Variants in AMH observed in about 807,000 individuals in gnomAD.
AMH encodes anti-Muellerian hormone.
AMH carries 39 observed loss-of-function variants against 33.3 expected under a neutral mutation model. The observed-to-expected ratio is 1.17, with a 90% confidence interval of 0.91 to 1.53. AMH has a LOEUF of 1.53. AMH is among the 40% of genes most tolerant of loss of function. AMH has a pLI of 0.00. For missense variants in AMH, 1,019 were observed against 799.8 expected (o/e 1.27, Z -3.30); for synonymous variants, 536 against 403.0 (o/e 1.33, Z -3.95).
At position 2,250,347 on chromosome 19, in the gene AMH, G is replaced by A. The variant is rs565075895; in HGVS notation, c.423G>A (p.Glu141=). 24 of 1,598,060 alleles carry A rather than the reference G, an allele frequency of 1.5e-5. No homozygotes were observed. The East Asian group carries it at 4.9e-4, about 33-fold the overall frequency. The part of the protein sequence containing the change: ...VVLHLEEVTW[E]PTPSLRFQEP... ...CTGTCCCGGCTGCAGTGACCTGGGAGCCAACACCCTCGCTGAGGTTCCAGG... is the reference window on the plus strand; with the variant it reads ...CTGTCCCGGCTGCAGTGACCTGGGAACCAACACCCTCGCTGAGGTTCCAGG... The change falls in exon 2 of 5, where the codon GAG becomes GAA. Residue 141 remains glutamate (E), a synonymous_variant. Coordinates refer to ENST00000221496, the MANE Select transcript of AMH (RefSeq NM_000479.5).
chr19:2,250,891 G>GCGA lies in AMH; in HGVS notation c.712_714dup (p.Asp238dup). On this transcript the variant is annotated inframe_insertion, in exon 4 of 5. Coordinates refer to ENST00000221496, the MANE Select transcript of AMH (RefSeq NM_000479.5). Reference sequence around the variant, plus strand: ...GCCCGGCTGCAGGCACTGCTGTTCGGCGACGACCACCGCTGCTTCACACGG... The same window carrying GCGA: ...GCCCGGCTGCAGGCACTGCTGTTCGGCGACGACGACCACCGCTGCTTCACACGG... The GCGA allele has an allele frequency of 6.4e-7, 1 of 1,574,556 alleles. No individual in the cohort carries two copies. Among genetic ancestry groups the GCGA allele is most frequent in the Admixed American group, 1.7e-5 (1 of 57,220 alleles).
rs1430305170 is a variant in AMH, at chr19:2,251,129, C to T, written c.855C>T (p.Pro285=). Residue 285 remains proline, a synonymous_variant, in exon 5 of 5, where the codon CCC becomes CCT. Coordinates refer to ENST00000221496, the MANE Select transcript of AMH (RefSeq NM_000479.5). ...RPSAELEESP[P]SADPFLETLT... is the part of the protein sequence containing the mutation. ...CCGCGGAACTCGAGGAGTCGCCACC[C>T]AGCGCAGACCCCTTCCTGGAGACGC... 1 of 1,538,160 alleles carries T rather than the reference C, an allele frequency of 6.5e-7. No homozygotes were observed. Among genetic ancestry groups the T allele is most frequent in the South Asian group, 1.2e-5 (1 of 83,698 alleles).
At position 2,250,259 on chromosome 19, in the gene AMH, C is replaced by T. The variant is rs543155842; in HGVS notation, c.413-78C>T. The T allele has an allele frequency of 5.2e-6, 8 of 1,536,896 alleles. No homozygotes were observed. The East Asian group carries it at 1.4e-4, about 28-fold the overall frequency. ...GAGGTCCCCTGCACAGTGGCCAGAG[C>T]GGCAGGGACAGATCCCAAAGATTCC... On this transcript the variant is annotated intron_variant, in intron 1 of 4. Coordinates refer to ENST00000221496, the MANE Select transcript of AMH (RefSeq NM_000479.5).
intron 1 of AMH, 176 bp from the exon 2 acceptor site, chr19:2,250,161 C>T: frequency 9.2e-7 from 1 of 1,087,004 alleles, no homozygotes; most frequent in East Asian, 2.6e-5. Flanking sequence ...AGACGCAGCC[C>T]CTGCCTGCCC....
At position 2,250,473 on chromosome 19, in the gene AMH, T is replaced by C; in HGVS notation, c.549T>C (p.Gly183=). ...EVTVTRAGLP[G]AQSLCPSRDT... ...CTGTGACGAGGGCTGGGCTGCCGGG[T>C]GCCCAGGTACCAGGGAGTTGCATGG... The change falls in exon 2 of 5, where the codon GGT becomes GGC. Residue 183 remains glycine, a synonymous_variant. Coordinates refer to ENST00000221496, the MANE Select transcript of AMH (RefSeq NM_000479.5). The C allele has an allele frequency of 6.5e-7, 1 of 1,548,378 alleles. No individual in the cohort carries two copies. Among genetic ancestry groups the C allele is most frequent in the Non-Finnish European group, 8.7e-7 (1 of 1,147,294 alleles).
chr19:2,250,975 G>A lies in AMH; in HGVS notation c.791G>A (p.Gly264Asp). The A allele has an allele frequency of 6.6e-7, 1 of 1,520,060 alleles. No homozygotes were observed. The allele number at this position is 1,520,060 out of a possible 1,614,324, so 94.2% of individuals were successfully genotyped here. ...RSEPAPLPAH[G>D]QLDTVPFPPP... The stretch of plus-strand genomic sequence containing the variant: ...GAGCCCGCGCCGCTGCCTGCGCACG[G>A]CCAGCTGGACACCGTGCCCTTCCCG... The change falls in exon 4 of 5, where the codon GGC becomes GAC. Residue 264 changes from glycine to aspartate, a missense_variant. Transcript: ENST00000221496.
Position 2,251,139 on chromosome 19 carries a change from C to A in AMH, c.865C>A (p.Pro289Thr), listed in dbSNP as rs1439483742. 6.5e-7 allele frequency: 1 copy of A among 1,534,136 alleles called. No individual in the cohort carries two copies. The highest frequency in any genetic ancestry group is 1.2e-5 in the South Asian group (1 of 83,334). Residue 289 changes from proline (P) to threonine (T), a missense_variant, in exon 5 of 5, where the codon CCC (proline) becomes ACC (threonine). Physicochemically the swap from Pro to Thr is conservative, Grantham distance 38. Transcript: ENST00000221496. ...ELEESPPSAD[P>T]FLETLTRLVR... is the part of the protein sequence containing the mutation. The stretch of plus-strand genomic sequence containing the variant: ...CGAGGAGTCGCCACCCAGCGCAGAC[C>A]CCTTCCTGGAGACGCTCACGCGCCT...
Position 2,250,457 on chromosome 19 carries a change from G to A in AMH, c.533G>A (p.Arg178Lys), listed in dbSNP as rs1270847279. 1 of 1,550,742 alleles carries A rather than the reference G, an allele frequency of 6.4e-7. No individual in the cohort carries two copies. Among genetic ancestry groups the A allele is most frequent in the Non-Finnish European group, 8.7e-7 (1 of 1,148,334 alleles). The stretch of plus-strand genomic sequence containing the variant: ...CCTGGCCCTGAGGTCACTGTGACGA[G>A]GGCTGGGCTGCCGGGTGCCCAGGTA... ...PGPGPEVTVT[R>K]AGLPGAQSLC... is the part of the protein sequence containing the mutation. The change falls in exon 2 of 5, where the codon AGG becomes AAG. Residue 178 changes from arginine (R) to lysine (K), a missense_variant. Arg to Lys is a conservative substitution (Grantham distance 26). Coordinates refer to ENST00000221496, the MANE Select transcript of AMH (RefSeq NM_000479.5).
At position 2,251,572 on chromosome 19, in the gene AMH, G is replaced by A. The variant is rs915351170; in HGVS notation, c.1298G>A (p.Gly433Asp). Residue 433 changes from glycine to aspartate, a missense_variant, in exon 5 of 5, where the codon GGC (glycine) becomes GAC (aspartate). Transcript: ENST00000221496. ...RALLLLKALQ[G>D]LRVEWRGRDP... ...CTGCTGCTCCTGAAGGCGCTGCAGG[G>A]CCTGCGCGTGGAGTGGCGCGGGCGG... The A allele has an allele frequency of 5.2e-5, 68 of 1,302,452 alleles. No homozygotes were observed. Among genetic ancestry groups the A allele is most frequent in the Non-Finnish European group, 6.5e-5 (67 of 1,028,818 alleles). 80.7% of individuals were successfully genotyped at this position (1,302,452 alleles called of 1,614,324 possible). A position where few individuals can be genotyped will look rare whatever the true frequency, so the allele number is the denominator to read the frequency against.
In AMH at chr19:2,252,024, T is replaced by C. The variant is rs1022305728; in HGVS notation, c.*67T>C. 4.5e-5 allele frequency: 68 copies of C among 1,521,622 alleles called. No individual in the cohort carries two copies. The highest frequency in any genetic ancestry group is 5.4e-5 in the Non-Finnish European group (61 of 1,138,140). 94.3% of individuals were successfully genotyped at this position (1,521,622 alleles called of 1,614,324 possible). A position where few individuals can be genotyped will look rare whatever the true frequency, so the allele number is the denominator to read the frequency against. On this transcript the variant is annotated 3_prime_UTR_variant, in exon 5 of 5. Transcript: ENST00000221496. Reference sequence around the variant, plus strand: ...GCCCCAGCTCGCGCCCCTTCCCATATTTATTCGGACCCCAAGCATCGCCCC... The same window carrying C: ...GCCCCAGCTCGCGCCCCTTCCCATACTTATTCGGACCCCAAGCATCGCCCC...
chr19:2,251,231 G>A lies in AMH; in HGVS notation c.957G>A (p.Ala319=), dbSNP rs1159922886. 1.3e-6 allele frequency: 2 copies of A among 1,502,086 alleles called. No individual in the cohort carries two copies. The highest frequency in any genetic ancestry group is 1.8e-6 in the Non-Finnish European group (2 of 1,133,140). 93.0% of individuals were successfully genotyped at this position (1,502,086 alleles called of 1,614,324 possible). ...CGCGCCTGGCCCTGGATCCGGACGCGCTGGCCGGCTTCCCGCAGGGCCTAG... is the reference window on the plus strand; with the variant it reads ...CGCGCCTGGCCCTGGATCCGGACGCACTGGCCGGCTTCCCGCAGGGCCTAG... ...SAPRLALDPD[A]LAGFPQGLVN... Residue 319 remains alanine, a synonymous_variant, in exon 5 of 5, where the codon GCG becomes GCA. Transcript: ENST00000221496.
Position 2,250,972 on chromosome 19 carries a change from A to G in AMH, c.788A>G (p.His263Arg). The G allele has an allele frequency of 6.6e-7, 1 of 1,520,632 alleles. No homozygotes were observed. The highest frequency in any genetic ancestry group is 8.8e-7 in the Non-Finnish European group (1 of 1,141,742). The allele number at this position is 1,520,632 out of a possible 1,614,324, so 94.2% of individuals were successfully genotyped here. A position where few individuals can be genotyped will look rare whatever the true frequency, so the allele number is the denominator to read the frequency against. The change falls in exon 4 of 5, where the codon CAC becomes CGC. Residue 263 changes from histidine to arginine, a missense_variant. Physicochemically the swap from His to Arg is conservative, Grantham distance 29. Transcript: ENST00000221496. ...TCCGAGCCCGCGCCGCTGCCTGCGC[A>G]CGGCCAGCTGGACACCGTGCCCTTC... Reference protein sequence around the residue: ...PRSEPAPLPAHGQLDTVPFPP... With the variant: ...PRSEPAPLPARGQLDTVPFPP...
chr19:2,249,383 G>A lies in AMH; in HGVS notation c.51G>A (p.Gly17=). 1 of 1,587,920 alleles carries A rather than the reference G, an allele frequency of 6.3e-7. No homozygotes were observed. Among genetic ancestry groups the A allele is most frequent in the Non-Finnish European group, 8.6e-7 (1 of 1,168,162 alleles). Residue 17 remains glycine (G), a synonymous_variant, in exon 1 of 5, where the codon GGG becomes GGA. Transcript: ENST00000221496. Reference sequence around the variant, plus strand: ...TGGCCCTAGTGCTGTCTGCCCTGGGGGCTCTGCTGGGGACTGAGGCCCTCA... The same window carrying A: ...TGGCCCTAGTGCTGTCTGCCCTGGGAGCTCTGCTGGGGACTGAGGCCCTCA... ...TSLALVLSAL[G]ALLGTEALRA... is the part of the protein sequence containing the mutation.
rs2025058622 is a variant in AMH, at chr19:2,252,011, GC to G, written c.*58del. ...AGGGTCCGGACGCGCCCCAGCTCGC[GC>G]CCCTTCCCATATTTATTCGGACCCC... is the stretch of plus-strand genomic sequence containing the variant. On this transcript the variant is annotated 3_prime_UTR_variant, in exon 5 of 5. Transcript: ENST00000221496. 2 of 1,526,316 alleles carry G rather than the reference GC, an allele frequency of 1.3e-6. No individual in the cohort carries two copies. The allele number at this position is 1,526,316 out of a possible 1,614,324, so 94.5% of individuals were successfully genotyped here. A position where few individuals can be genotyped will look rare whatever the true frequency, so the allele number is the denominator to read the frequency against.
chr19:2,251,660 C>A lies in AMH; in HGVS notation c.1386C>A (p.Cys462Ter), dbSNP rs779653519. 7 of 1,604,988 alleles carry A rather than the reference C, an allele frequency of 4.4e-6. No homozygotes were observed. The highest frequency in any genetic ancestry group is 1.1e-5 in the South Asian group (1 of 90,504). The change falls in exon 5 of 5, where the codon TGC (cysteine) becomes TGA (stop). Residue 462 changes from cysteine to a stop codon, truncating the protein, a stop_gained. Coordinates refer to ENST00000221496, the MANE Select transcript of AMH (RefSeq NM_000479.5). LOFTEE classifies it high-confidence loss of function. ...GGGCCACCGCCGCCGACGGGCCGTG[C>A]GCGCTGCGCGAGCTCAGCGTAGACC... ...SAGATAADGP[C>*]ALRELSVDLR...
chr19:2,250,587 A>AG, intron 2 of AMH, 65 bp from the exon 3 acceptor site: 1 of 1,536,880 alleles, frequency 6.5e-7, no homozygotes, highest in Non-Finnish European at 8.7e-7. Context: ...GATGGGAGGA[A>AG]GGGGACCGGT....
At position 2,249,352 on chromosome 19, in the gene AMH, C is replaced by G. The variant is rs149953700; in HGVS notation, c.20C>G (p.Thr7Ser). Residue 7 changes from threonine to serine, a missense_variant, in exon 1 of 5, where the codon ACC becomes AGC. Coordinates refer to ENST00000221496, the MANE Select transcript of AMH (RefSeq NM_000479.5). ...CCCACGATGCGGGACCTGCCTCTCA[C>G]CAGCCTGGCCCTAGTGCTGTCTGCC... MRDLPLTSLALVLSALG... is the reference protein window; with the variant it reads MRDLPLSSLALVLSALG... 31 of 1,577,074 alleles carry G rather than the reference C, an allele frequency of 2.0e-5. No homozygotes were observed. In the African/African-American group the frequency reaches 3.4e-4, roughly 17 times the overall value.
rs1247297737 is a variant in AMH at position 2,252,031 on chromosome 19, G to C, written c.*74G>C. On this transcript the variant is annotated 3_prime_UTR_variant, in exon 5 of 5. Transcript: ENST00000221496. ...CTCGCGCCCCTTCCCATATTTATTC[G>C]GACCCCAAGCATCGCCCCAATAAAG... is the stretch of plus-strand genomic sequence containing the variant. 1.3e-6 allele frequency: 2 copies of C among 1,518,158 alleles called. No individual in the cohort carries two copies. The highest frequency in any genetic ancestry group is 8.8e-7 in the Non-Finnish European group (1 of 1,135,284). 94.0% of individuals were successfully genotyped at this position (1,518,158 alleles called of 1,614,324 possible). A position where few individuals can be genotyped will look rare whatever the true frequency, so the allele number is the denominator to read the frequency against.
intron 2 of AMH, 49 bp downstream of exon 2, chr19:2,250,528 G>T: frequency 6.5e-7 from 1 of 1,542,162 alleles, no homozygotes. Context: ...CGGGGGGCAT[G>T]GATTTGTTGC....
Sources: allele counts gnomAD v4.1 joint callset, GRCh38; gene constraint gnomAD v4.1.1; transcripts MANE v1.5; gene names NCBI Gene and HGNC (gene_info 2026-07-23, HGNC 2026-07-21).